The following NOSIP variants were observed in gnomAD, a reference collection of about 807,000 sequenced individuals.
NOSIP encodes the protein nitric oxide synthase interacting protein.
NOSIP carries 25 observed loss-of-function variants against 36.4 expected under a neutral mutation model. The ratio of observed to expected loss-of-function variants is 0.69; its 90% CI spans 0.50 to 0.96. The LOEUF is 0.96. Ranked by LOEUF, NOSIP falls within the 40% of genes least tolerant of loss-of-function variation. NOSIP has a pLI of 0.00. For missense variants in NOSIP, 370 were observed against 429.0 expected, an observed-to-expected ratio of 0.86 and a Z score of 1.21; for synonymous variants, 187 against 179.2, an observed-to-expected ratio of 1.04 and a Z score of -0.35.
intron 3 of NOSIP, 105 bp downstream of exon 3, chr19:49,559,829 A>T: frequency 1.3e-6 from 1 of 762,112 alleles, no homozygotes; most frequent in African/African-American, 1.7e-5. Flanking sequence ...CTGCTCATCC[A>T]GGGTTCCCTG....
chr19:49,555,926 T>A, intron 8 of NOSIP, 104 bp from the exon 9 acceptor site: 1 of 818,984 alleles, frequency 1.2e-6, no homozygotes, highest in East Asian at 2.5e-5. Flanking sequence ...GTGAAGCGGG[T>A]TGCTGGCTAA....
At chr19:49,568,585 G>A (rs1453296370) in intron 1 of NOSIP, among the ~76,000 whole-genome samples, 1 of 151,946 alleles carries the variant, frequency 6.6e-6, no homozygotes, top group Non-Finnish European at 1.5e-5. Context: ...AAGCATTATA[G>A]CAGAACTGAT....
chr19:49,575,795 G>A (rs896634004), intron 1 of NOSIP, among the ~76,000 whole-genome samples: 3 of 152,068 alleles, frequency 2.0e-5, no homozygotes, highest in Non-Finnish European at 4.4e-5. Flanking sequence ...ATTGTCATAG[G>A]TCACCAAATT....
intron 4 of NOSIP, 44 bp downstream of exon 4, chr19:49,558,853 A>C (rs1194593899): frequency 6.5e-7 from 1 of 1,529,304 alleles, no homozygotes; most frequent in East Asian, 2.2e-5. Flanking sequence ...CTCAGACTCA[A>C]AAGCTCCTGC....
At chr19:49,573,137 C>T (rs2080508113) in intron 1 of NOSIP, among the ~76,000 whole-genome samples, 3 of 152,142 alleles carry the variant, frequency 2.0e-5, no homozygotes, top group Admixed American at 6.6e-5. Flanking sequence ...AGGCGGTGCC[C>T]TAGGTTATGC....
chr19:49,568,483 T>C (rs976777096), intron 1 of NOSIP, among the ~76,000 whole-genome samples: 10 of 152,330 alleles, frequency 6.6e-5, no homozygotes, highest in African/African-American at 2.4e-4. Context: ...GGATTCACCT[T>C]GGATGCACAT....
intron 6 of NOSIP, 31 bp downstream of exon 6, chr19:49,556,844 C>T (rs758542969): frequency 6.2e-7 from 1 of 1,603,992 alleles, no homozygotes; most frequent in Admixed American, 1.7e-5. Context: ...CGCCCTGGCA[C>T]CGTGCGTGCC....
In NOSIP at chr19:49,556,560, CA is replaced by C; in HGVS notation, c.713del (p.Val238GlyfsTer17). On this transcript the variant is annotated frameshift_variant, in exon 7 of 9. Coordinates refer to ENST00000596358, the MANE Select transcript of NOSIP (RefSeq NM_001270960.2). LOFTEE classifies it high-confidence loss of function. ...CCCAGGTGACTCACGAGGGCCGCAGCACAGCGCAGGGGGTGGCGTTGCTCAG... is the reference window on the plus strand; with the variant it reads ...CCCAGGTGACTCACGAGGGCCGCAGCCAGCGCAGGGGGTGGCGTTGCTCAG... ...DSLSNATPCA[V>X]LRPSGAVVTL... 1 of 1,604,844 alleles carries C rather than the reference CA, an allele frequency of 6.2e-7. No homozygotes were observed. The highest frequency in any genetic ancestry group is 8.5e-7 in the Non-Finnish European group (1 of 1,178,142).
rs188640068 is a variant in NOSIP at position 49,566,427 on chromosome 19, G to C, written c.-1-5735C>G. ...GGGCTCAAGTGATCCTCCCACCATA[G>C]CTTCCCAAGTAGCTGGGAATACAGG... On this transcript the variant is annotated intron_variant, in intron 1 of 8. Transcript: ENST00000596358. Among the ~76,000 whole-genome samples, 1,227 of 152,192 alleles carry C rather than the reference G, an allele frequency of 8.1e-3. 7 individuals carry two copies. Among genetic ancestry groups the C allele is most frequent in the Middle Eastern group, 0.014 (4 of 294 alleles).
chr19:49,579,846 A>C (rs1228644661), intron 1 of NOSIP, among the ~76,000 whole-genome samples: 1 of 152,166 alleles, frequency 6.6e-6, no homozygotes, highest in Non-Finnish European at 1.5e-5. Context: ...GAATTCCTGT[A>C]TTCTTCTCTC....
chr19:49,565,523 A>G (rs959776339), intron 1 of NOSIP, among the ~76,000 whole-genome samples: 1 of 152,084 alleles, frequency 6.6e-6, no homozygotes, highest in Admixed American at 6.6e-5. Flanking sequence ...CTGAAGCTGG[A>G]AGATCACTTG....
intron 1 of NOSIP, among the ~76,000 whole-genome samples, chr19:49,561,697 C>T (rs1326193731): frequency 2.0e-5 from 3 of 152,068 alleles, no homozygotes; most frequent in Admixed American, 6.6e-5. Flanking sequence ...GCCTGGCCAA[C>T]ATGGTGAAAC....
At position 49,555,908 on chromosome 19, in the gene NOSIP, G is replaced by C. The variant is rs559725529; in HGVS notation, c.835-86C>G. 98 of 984,404 alleles carry C rather than the reference G, an allele frequency of 1.0e-4. No individual in the cohort carries two copies. The South Asian group carries it at 1.3e-3, about 13-fold the overall frequency. The allele number at this position is 984,404 out of a possible 1,614,324, so 61.0% of individuals were successfully genotyped here. ...CAGGTGGTAGTGGGGATTCCTAAGC[G>C]GGTCAAGGTGAAGCGGGTTGCTGGC... On this transcript the variant is annotated intron_variant, in intron 8 of 8. Transcript: ENST00000596358.
chr19:49,556,104 AAAGG>A (rs2080236165), intron 8 of NOSIP, among the ~76,000 whole-genome samples: 1 of 112,998 alleles, frequency 8.8e-6, no homozygotes, highest in African/African-American at 3.5e-5. Flanking sequence ...GGGGCCTTGA[AAAGG>A]AAGGAGGAGG....
At chr19:49,559,864 C>G (rs2080307036) in intron 3 of NOSIP, 70 bp downstream of exon 3, 4 of 1,151,120 alleles carry the variant, frequency 3.5e-6, no homozygotes, top group Non-Finnish European at 3.8e-6. Context: ...CAGACCCACG[C>G]ACACAGCCTC....
At chr19:49,557,799 A>G in intron 4 of NOSIP, 11 of 988,332 alleles carry the variant, frequency 1.1e-5, no homozygotes, top group Non-Finnish European at 1.3e-5. Flanking sequence ...CCTGGCGCAC[A>G]GCAGTTGCCT....
intron 1 of NOSIP, among the ~76,000 whole-genome samples, chr19:49,564,453 C>CAAAAAAAA (rs1011453088): frequency 1.4e-4 from 6 of 42,560 alleles, no homozygotes; most frequent in Admixed American, 2.5e-4. Flanking sequence ...GACTCCATCT[C>CAAAAAAAA]AAAAAAAAAA....
intron 1 of NOSIP, among the ~76,000 whole-genome samples, chr19:49,570,508 C>T (rs1408043345): frequency 6.6e-6 from 1 of 152,150 alleles, no homozygotes; most frequent in East Asian, 1.9e-4. Flanking sequence ...TATGGAGATA[C>T]AGAACCTTCC....
intron 1 of NOSIP, among the ~76,000 whole-genome samples, chr19:49,570,326 A>G (rs1192467212): frequency 6.6e-6 from 1 of 151,972 alleles, no homozygotes; most frequent in Non-Finnish European, 1.5e-5. Flanking sequence ...TGCCTTTCCC[A>G]TTCAAAACTT....
Sources: gnomAD v4.1 joint callset for allele counts (sites outside exome capture counted in the v4.1 genomes callset) on GRCh38, gnomAD v4.1.1 for gene constraint, MANE v1.5 for transcripts, NCBI Gene and HGNC (gene_info 2026-07-23, HGNC 2026-07-21) for gene names.